ZNF423: variants seen among roughly 807,000 people sequenced by gnomAD.
ZNF423 encodes zinc finger protein 423, also known as Ebf-associated zinc finger protein.
ZNF423 carries 12 observed loss-of-function variants against 95.8 expected under a neutral mutation model. The ratio of observed to expected loss-of-function variants is 0.13; its 90% CI spans 0.08 to 0.20. ZNF423 has a LOEUF of 0.20. ZNF423 is among the 10% of genes least tolerant of loss of function. The probability of loss-of-function intolerance (pLI) is 1.00; values close to 1 mark genes in which losing one functional copy is unlikely to be tolerated. For missense variants in ZNF423, 1,316 were observed against 1,737.1 expected (o/e 0.76, Z 4.31); for synonymous variants, 749 against 711.9 (o/e 1.05, Z -0.83).
intron 7 of ZNF423, among the ~76,000 whole-genome samples, chr16:49,513,631 G>A (rs2151685685): frequency 7.9e-6 from 1 of 125,834 alleles, no homozygotes; most frequent in African/African-American, 3.1e-5. Flanking sequence ...TAACACATAT[G>A]GGGATGGATG....
intron 1 of ZNF423, among the ~76,000 whole-genome samples, chr16:49,834,610 G>A (rs1049119076): frequency 7.9e-5 from 12 of 152,196 alleles, no homozygotes; most frequent in African/African-American, 2.2e-4. Context: ...CCCTGGGGTT[G>A]GGGGAAACCG....
chr16:49,694,720 C>T (rs1171714048), intron 3 of ZNF423, among the ~76,000 whole-genome samples: 1 of 152,216 alleles, frequency 6.6e-6, no homozygotes. Context: ...CTCCTCCATC[C>T]AGGAAGGGCT....
chr16:49,593,665 A>G (rs555169214), intron 5 of ZNF423, among the ~76,000 whole-genome samples: 12 of 152,084 alleles, frequency 7.9e-5, no homozygotes, highest in Admixed American at 3.3e-4. Flanking sequence ...CCATCTGTAT[A>G]CATGAAACAC....
At chr16:49,856,833 G>A (rs2035376266), upstream of ZNF423, among the ~76,000 whole-genome samples, 2 of 148,314 alleles carry the variant, frequency 1.3e-5, no homozygotes, top group South Asian at 4.1e-4. Flanking sequence ...GTGCCAAGTC[G>A]CCGGCCCCGC....
At chr16:49,514,254 A>G (rs959621639) in intron 7 of ZNF423, among the ~76,000 whole-genome samples, 8 of 144,584 alleles carry the variant, frequency 5.5e-5, no homozygotes, top group Admixed American at 2.0e-4. Flanking sequence ...ACGCACACAC[A>G]CACACACATG....
At chr16:49,654,527 C>T (rs1312566467) in intron 3 of ZNF423, among the ~76,000 whole-genome samples, 1 of 152,256 alleles carries the variant, frequency 6.6e-6, no homozygotes, top group African/African-American at 2.4e-5. Context: ...GTGCCAGAAG[C>T]TCCAAGCCCG....
At chr16:49,842,105 G>T (rs183834754) in intron 1 of ZNF423, among the ~76,000 whole-genome samples, 37 of 151,244 alleles carry the variant, frequency 2.4e-4, no homozygotes, top group Middle Eastern at 3.4e-3. Context: ...GGCATGGGGG[G>T]CAGGCGCCTG....
chr16:49,695,812 A>G (rs2031949119), intron 3 of ZNF423, among the ~76,000 whole-genome samples: 1 of 152,226 alleles, frequency 6.6e-6, no homozygotes, highest in African/African-American at 2.4e-5. Flanking sequence ...AATCCAGACT[A>G]GACAATTTAG....
At chr16:49,522,626 T>C (rs1358612048) in intron 7 of ZNF423, among the ~76,000 whole-genome samples, 1 of 152,100 alleles carries the variant, frequency 6.6e-6, no homozygotes, top group Non-Finnish European at 1.5e-5. Context: ...TCTATGTGTA[T>C]GTGTGATATA....
chr16:49,665,940 A>G (rs954844280), intron 3 of ZNF423, among the ~76,000 whole-genome samples: 1 of 152,220 alleles, frequency 6.6e-6, no homozygotes, highest in African/African-American at 2.4e-5. Flanking sequence ...GAACAAATTA[A>G]AATTAGCTCA....
intron 7 of ZNF423, among the ~76,000 whole-genome samples, chr16:49,502,959 T>C (rs1455052482): frequency 2.3e-5 from 3 of 130,158 alleles, no homozygotes; most frequent in Non-Finnish European, 4.8e-5. Flanking sequence ...TGCCCCACAA[T>C]CCCATGCACA....
intron 1 of ZNF423, among the ~76,000 whole-genome samples, chr16:49,852,663 G>A (rs928344103): frequency 3.3e-5 from 5 of 151,808 alleles, no homozygotes; most frequent in African/African-American, 7.3e-5. Context: ...AGGGAAAATC[G>A]GTCAGAAAAA....
rs1464317336 is a variant in ZNF423, at chr16:49,492,267, C to T, written c.3850-963G>A. ...GACACCTGGAGAAAGGAGGCAACATCCACCAGGTGTAGGGTGGCCCTGTTT... is the reference window on the plus strand; with the variant it reads ...GACACCTGGAGAAAGGAGGCAACATTCACCAGGTGTAGGGTGGCCCTGTTT... On this transcript the variant is annotated intron_variant, in intron 7 of 7. Coordinates refer to ENST00000563137, the MANE Select transcript of ZNF423 (RefSeq NM_001379286.1). The surrounding 1 kb of genome is among the most constrained non-coding windows in gnomAD (Gnocchi z 4.2). Among the ~76,000 whole-genome samples the T allele has an allele frequency of 6.6e-6, 1 of 151,958 alleles. No homozygotes were observed. Among genetic ancestry groups the T allele is most frequent in the East Asian group, 1.9e-4 (1 of 5,172 alleles).
intron 5 of ZNF423, among the ~76,000 whole-genome samples, chr16:49,555,663 C>T (rs1969796768): frequency 6.6e-6 from 1 of 152,112 alleles, no homozygotes; most frequent in Admixed American, 6.5e-5. Flanking sequence ...AGATGGACAT[C>T]TGGCAGGTGA....
intron 1 of ZNF423, among the ~76,000 whole-genome samples, chr16:49,789,943 T>C (rs2034384967): frequency 6.6e-6 from 1 of 152,076 alleles, no homozygotes; most frequent in African/African-American, 2.4e-5. Flanking sequence ...ACTCTCCCAA[T>C]GACAGCACGT....
At chr16:49,712,390 GTGCCATTGGAAA>G (rs2032572111) in intron 3 of ZNF423, among the ~76,000 whole-genome samples, 1 of 152,192 alleles carries the variant, frequency 6.6e-6, no homozygotes. Flanking sequence ...AGAGGGGAAA[GTGCCATTGGAAA>G]AAAAAGAAAC....
At chr16:49,743,545 A>C (rs2033458727) in intron 2 of ZNF423, among the ~76,000 whole-genome samples, 1 of 152,066 alleles carries the variant, frequency 6.6e-6, no homozygotes, top group African/African-American at 2.4e-5. Context: ...TCCCACTCTG[A>C]CATTTAAAGA....
At chr16:49,694,594 T>C (rs1411821270) in intron 3 of ZNF423, among the ~76,000 whole-genome samples, 2 of 152,174 alleles carry the variant, frequency 1.3e-5, no homozygotes, top group Non-Finnish European at 2.9e-5. Flanking sequence ...TTCTTTCCCA[T>C]TCTTAATACC....
intron 3 of ZNF423, among the ~76,000 whole-genome samples, chr16:49,679,598 T>C (rs8043906): frequency 0.91 from 139,252 of 152,362 alleles, 63,770 homozygotes; most frequent in African/African-American, 0.97. Context: ...TTGGTGCAGA[T>C]GAGCATGGGA....
Sources: gnomAD v4.1 joint callset for allele counts (sites outside exome capture counted in the v4.1 genomes callset) on GRCh38, gnomAD v4.1.1 for gene constraint, Gnocchi (gnomAD v3.1) non-coding constraint, MANE v1.5 for transcripts, NCBI Gene and HGNC (gene_info 2026-07-23, HGNC 2026-07-21) for gene names.